The following CLSTN2 variants were observed in gnomAD, a reference collection of about 807,000 sequenced individuals.
CLSTN2 encodes the protein calsyntenin 2.
A neutral mutation model predicts 101.2 loss-of-function variants in CLSTN2; 48 were observed. That is an observed-to-expected ratio of 0.47 (90% CI 0.38 to 0.60). CLSTN2 has a LOEUF of 0.60. Among genes scored for constraint, CLSTN2 ranks in the 20% least tolerant of loss-of-function variants. The pLI is 0.00. For synonymous variants in CLSTN2, 481 were observed against 463.6 expected (o/e 1.04, Z -0.48); for missense variants, 1,160 against 1,238.2 (o/e 0.94, Z 0.95).
chr3:139,973,143 A>C (rs944314615), intron 1 of CLSTN2, among the ~76,000 whole-genome samples: 3 of 152,224 alleles, frequency 2.0e-5, no homozygotes, highest in Non-Finnish European at 2.9e-5. Context: ...CCTTGTAGCC[A>C]GGGACCCTTG....
intron 8 of CLSTN2, among the ~76,000 whole-genome samples, chr3:140,521,348 T>A (rs1935023585): frequency 1.3e-5 from 2 of 152,230 alleles, no homozygotes; most frequent in Non-Finnish European, 2.9e-5. Flanking sequence ...GTTTTTCTTT[T>A]AACAGTCAGT....
At chr3:140,209,192 TGGG>T (rs1223385431) in intron 2 of CLSTN2, among the ~76,000 whole-genome samples, 1 of 152,148 alleles carries the variant, frequency 6.6e-6, no homozygotes, top group African/African-American at 2.4e-5. Flanking sequence ...CAGCAGGAGT[TGGG>T]GAGAGAACTG....
intron 1 of CLSTN2, among the ~76,000 whole-genome samples, chr3:140,152,801 AC>A (rs1172334700): frequency 2.0e-5 from 3 of 152,204 alleles, no homozygotes. Context: ...TGTAGGAAAT[AC>A]CATTTTTCCT....
At chr3:140,404,826 G>T in intron 4 of CLSTN2, 60 bp downstream of exon 4, 1 of 1,407,912 alleles carries the variant, frequency 7.1e-7, no homozygotes, top group Non-Finnish European at 1.0e-6. Flanking sequence ...CCTCCACTCT[G>T]AAGACCCAAC....
chr3:140,523,519 T>C (rs1474533170), intron 8 of CLSTN2, among the ~76,000 whole-genome samples: 1 of 152,200 alleles, frequency 6.6e-6, no homozygotes, highest in Non-Finnish European at 1.5e-5. Context: ...TCTCAATTTA[T>C]TTGGAAAAGG....
At chr3:139,994,515 T>C (rs1936169255) in intron 1 of CLSTN2, among the ~76,000 whole-genome samples, 1 of 152,242 alleles carries the variant, frequency 6.6e-6, no homozygotes, top group African/African-American at 2.4e-5. Context: ...GTCTTTATTA[T>C]TCTTATATGG....
Position 140,473,467 on chromosome 3 carries a change from G to A in CLSTN2, c.1344+6736G>A, listed in dbSNP as rs12639449. On this transcript the variant is annotated intron_variant, in intron 8 of 16. Coordinates refer to ENST00000458420, the MANE Select transcript of CLSTN2 (RefSeq NM_022131.3). ...ATGATTTTGGATTATTCTTATGGGC[G>A]CAATATAATAGTAAGTGTTCTTATA... is the stretch of plus-strand genomic sequence containing the variant. Among the ~76,000 whole-genome samples the A allele has an allele frequency of 2.0e-3, 308 of 152,248 alleles. 13 individuals carry two copies. In the East Asian group the frequency reaches 0.056, roughly 28 times the overall value.
intron 2 of CLSTN2, among the ~76,000 whole-genome samples, chr3:140,394,767 A>G (rs2088161223): frequency 6.6e-6 from 1 of 152,218 alleles, no homozygotes; most frequent in Non-Finnish European, 1.5e-5. Context: ...TAAGTGCCTG[A>G]CCCATAGTAA....
intron 8 of CLSTN2, among the ~76,000 whole-genome samples, chr3:140,482,136 T>G (rs1272661328): frequency 4.6e-5 from 7 of 152,176 alleles, no homozygotes; most frequent in Admixed American, 3.9e-4. Context: ...AATACCTAAT[T>G]TATTGAGAGT....
intron 2 of CLSTN2, among the ~76,000 whole-genome samples, chr3:140,250,339 G>T (rs549640126): frequency 5.9e-4 from 90 of 152,290 alleles, no homozygotes; most frequent in African/African-American, 2.0e-3. Context: ...GCCTTCCAAA[G>T]AATGTGCTGT....
chr3:140,404,107 C>A (rs1436421485), intron 3 of CLSTN2, among the ~76,000 whole-genome samples: 1 of 152,242 alleles, frequency 6.6e-6, no homozygotes, highest in Non-Finnish European at 1.5e-5. Flanking sequence ...TAAGCTGGCC[C>A]ACCCCCGCAG....
chr3:140,390,585 A>G (rs2088102562), intron 2 of CLSTN2, among the ~76,000 whole-genome samples: 1 of 152,236 alleles, frequency 6.6e-6, no homozygotes, highest in Non-Finnish European at 1.5e-5. Flanking sequence ...TGGATGTAGT[A>G]TTCTATACAT....
At chr3:140,368,110 G>A (rs1352819933) in intron 2 of CLSTN2, among the ~76,000 whole-genome samples, 1 of 152,126 alleles carries the variant, frequency 6.6e-6, no homozygotes, top group Non-Finnish European at 1.5e-5. Context: ...GCCAATCACT[G>A]TGCACAGGGA....
intron 1 of CLSTN2, among the ~76,000 whole-genome samples, chr3:140,157,791 T>C (rs189044420): frequency 6.6e-6 from 1 of 152,330 alleles, no homozygotes; most frequent in African/African-American, 2.4e-5. Context: ...GTTAATCCAG[T>C]AGAACATAAA....
rs527598131 is a variant in CLSTN2 at position 140,090,561 on chromosome 3, G to A, written c.110-85390G>A. Among the ~76,000 whole-genome samples, 45 of 152,248 alleles carry A rather than the reference G, an allele frequency of 3.0e-4. No homozygotes were observed. The South Asian group carries it at 4.6e-3, about 15-fold the overall frequency. On this transcript the variant is annotated intron_variant, in intron 1 of 16. Coordinates refer to ENST00000458420, the MANE Select transcript of CLSTN2 (RefSeq NM_022131.3). ...TGCTTAATGCTGTCTAGTGTATGTC[G>A]GGTGATGTGGGTGGAAGCAAGATGA...
At chr3:140,166,792 A>G (rs536813627) in intron 1 of CLSTN2, among the ~76,000 whole-genome samples, 2 of 152,328 alleles carry the variant, frequency 1.3e-5, no homozygotes, top group East Asian at 3.9e-4. Flanking sequence ...CTGAAACATC[A>G]TGGAAAAGAG....
At chr3:140,071,490 T>G (rs1471964240) in intron 1 of CLSTN2, among the ~76,000 whole-genome samples, 1 of 151,898 alleles carries the variant, frequency 6.6e-6, no homozygotes, top group Non-Finnish European at 1.5e-5. Context: ...AACAATCCAA[T>G]AGAAAATCAG....
At chr3:140,555,977 A>C (rs1935783066) in intron 10 of CLSTN2, among the ~76,000 whole-genome samples, 1 of 152,240 alleles carries the variant, frequency 6.6e-6, no homozygotes, top group Non-Finnish European at 1.5e-5. Flanking sequence ...AGAGTTTAGC[A>C]CTTGAAAAGG....
At chr3:140,094,013 A>G (rs1458777811) in intron 1 of CLSTN2, among the ~76,000 whole-genome samples, 1 of 152,352 alleles carries the variant, frequency 6.6e-6, no homozygotes, top group Non-Finnish European at 1.5e-5. Flanking sequence ...GGCTGAGAGG[A>G]CACAGTTCCT....
Sources: gnomAD v4.1 joint callset for allele counts (sites outside exome capture counted in the v4.1 genomes callset) on GRCh38, gnomAD v4.1.1 for gene constraint, MANE v1.5 for transcripts, NCBI Gene and HGNC (gene_info 2026-07-23, HGNC 2026-07-21) for gene names.